The following PHLDB2 variants were observed in gnomAD, a reference collection of about 807,000 sequenced individuals.
PHLDB2 encodes the protein pleckstrin homology like domain family B member 2, also known as pleckstrin homology-like domain family B member 2.
PHLDB2 carries 71 observed loss-of-function variants against 123.6 expected under a neutral mutation model. The ratio of observed to expected loss-of-function variants is 0.57; its 90% CI spans 0.47 to 0.70. The LOEUF (loss-of-function observed/expected upper bound fraction) is 0.70, where lower values mean the gene tolerates loss of function less well. Ranked by LOEUF, PHLDB2 falls within the 30% of genes least tolerant of loss-of-function variation. The pLI, the probability that PHLDB2 is intolerant of heterozygous loss-of-function variation, is 0.00. For missense variants in PHLDB2, 1,446 were observed against 1,519.5 expected (o/e 0.95, Z 0.80); for synonymous variants, 547 against 541.6 (o/e 1.01, Z -0.14).
At chr3:111,938,463 A>G (rs749161296) in intron 6 of PHLDB2, among the ~76,000 whole-genome samples, 7 of 152,102 alleles carry the variant, frequency 4.6e-5, no homozygotes, top group East Asian at 1.9e-4. Context: ...ATGATATATA[A>G]TCCATATTAT....
At chr3:111,822,854 C>A (rs1378270369) in intron 1 of PHLDB2, among the ~76,000 whole-genome samples, 1 of 151,544 alleles carries the variant, frequency 6.6e-6, no homozygotes, top group Non-Finnish European at 1.5e-5. Context: ...TCATGAAAGT[C>A]CTTGTCTTGG....
At chr3:111,855,629 C>CTTTTGTTT (rs2064457105), upstream of PHLDB2, among the ~76,000 whole-genome samples, 1 of 79,850 alleles carries the variant, frequency 1.3e-5, no homozygotes, top group Non-Finnish European at 2.2e-5. Flanking sequence ...CTGCATTTGT[C>CTTTTGTTT]TTTTTTTTTT....
chr3:111,893,920 T>TTTATTTATTTA (rs1469213014), intron 2 of PHLDB2, among the ~76,000 whole-genome samples: 3 of 54,918 alleles, frequency 5.5e-5, no homozygotes, highest in Admixed American at 4.3e-4. Context: ...TTATTTATTT[T>TTTATTTATTTA]TTATTATACT....
At chr3:111,954,055 A>T in intron 12 of PHLDB2, 26 bp downstream of exon 12, 1 of 1,592,458 alleles carries the variant, frequency 6.3e-7, no homozygotes, top group Non-Finnish European at 8.6e-7. Flanking sequence ...ATCAAGTGTC[A>T]TGGCCTTTTG....
At chr3:111,888,618 T>C (rs2066309383) in intron 2 of PHLDB2, among the ~76,000 whole-genome samples, 1 of 152,200 alleles carries the variant, frequency 6.6e-6, no homozygotes, top group South Asian at 2.1e-4. Flanking sequence ...CTAATCTCTG[T>C]TCTGTGGGCA....
chr3:111,945,787 G>T (rs1454705608), intron 9 of PHLDB2, among the ~76,000 whole-genome samples: 1 of 151,882 alleles, frequency 6.6e-6, no homozygotes, highest in Non-Finnish European at 1.5e-5. Flanking sequence ...ATTTTAGAAG[G>T]TGGTCTGGTT....
At chr3:111,755,384 G>T (rs1204037881) in intron 1 of PHLDB2, among the ~76,000 whole-genome samples, 5 of 140,004 alleles carry the variant, frequency 3.6e-5, no homozygotes, top group Non-Finnish European at 7.8e-5. Context: ...TCTTGGGAGG[G>T]TGTATGTGTC....
intron 4 of PHLDB2, among the ~76,000 whole-genome samples, chr3:111,919,753 C>T (rs1047267436): frequency 3.3e-5 from 5 of 152,194 alleles, no homozygotes; most frequent in South Asian, 2.1e-4. Flanking sequence ...AGAAGGGGCA[C>T]GTAATTCTGC....
At chr3:111,885,714 A>G (rs931844215) in intron 2 of PHLDB2, 1 of 616,360 alleles carries the variant, frequency 1.6e-6, no homozygotes, top group Non-Finnish European at 2.9e-6. Context: ...GAAATTTCTG[A>G]GTCTTACAAA....
At chr3:111,844,486 A>G (rs560673551) in intron 1 of PHLDB2, among the ~76,000 whole-genome samples, 19 of 152,294 alleles carry the variant, frequency 1.2e-4, no homozygotes, top group African/African-American at 4.6e-4. Flanking sequence ...TAGAATCAAT[A>G]AATCATGTTG....
At chr3:111,753,939 T>G (rs1380796209) in intron 1 of PHLDB2, among the ~76,000 whole-genome samples, 2 of 152,232 alleles carry the variant, frequency 1.3e-5, no homozygotes, top group African/African-American at 4.8e-5. Flanking sequence ...TTGTCAGGTT[T>G]GTCAAAGATC....
At chr3:111,901,156 G>T (rs900601862) in intron 2 of PHLDB2, among the ~76,000 whole-genome samples, 2 of 152,004 alleles carry the variant, frequency 1.3e-5, no homozygotes, top group Non-Finnish European at 2.9e-5. Context: ...TCAGGAGATT[G>T]AGACCATCCT....
intron 9 of PHLDB2, among the ~76,000 whole-genome samples, chr3:111,945,756 A>G (rs922216180): frequency 6.6e-6 from 1 of 152,048 alleles, no homozygotes; most frequent in African/African-American, 2.4e-5. Context: ...AGTCTTACAG[A>G]ACATGAAAAT....
Position 111,913,336 on chromosome 3 carries a change from G to A in PHLDB2, c.1353G>A (p.Glu451=), listed in dbSNP as rs1056002488. 7 of 1,601,878 alleles carry A rather than the reference G, an allele frequency of 4.4e-6. No individual in the cohort carries two copies. Among genetic ancestry groups the A allele is most frequent in the Middle Eastern group, 1.7e-4 (1 of 6,000 alleles). Residue 451 remains glutamate (E), a synonymous_variant, in exon 3 of 18, where the codon GAG becomes GAA. Transcript: ENST00000431670. ...TGTTCCAGGAGAGACAGCGTCTGGA[G>A]ACCATCCTCAGTCTCTGTGCTGAAT... ...EMERLERQRL[E]TILSLCAEYT... is the part of the protein sequence containing the mutation.
chr3:111,852,837 T>C (rs963866294), intron 2 of PHLDB2, among the ~76,000 whole-genome samples: 4 of 151,632 alleles, frequency 2.6e-5, no homozygotes, highest in Admixed American at 1.3e-4. Flanking sequence ...ACAGAAAAGA[T>C]TGGGGGTAGG....
chr3:111,854,240 T>C (rs1239927896), intron 2 of PHLDB2, among the ~76,000 whole-genome samples: 1 of 152,130 alleles, frequency 6.6e-6, no homozygotes, highest in African/African-American at 2.4e-5. Context: ...AAGATCCAAT[T>C]ACCTCCACCT....
At chr3:111,798,714 T>TAAAA (rs2061264361) in intron 1 of PHLDB2, among the ~76,000 whole-genome samples, 1 of 36,190 alleles carries the variant, frequency 2.8e-5, no homozygotes, top group Non-Finnish European at 1.3e-4. Context: ...AAATAAAATG[T>TAAAA]TATTTTATCT....
chr3:111,754,081 C>T (rs1315738097), intron 1 of PHLDB2, among the ~76,000 whole-genome samples: 12 of 151,880 alleles, frequency 7.9e-5, no homozygotes, highest in Non-Finnish European at 1.2e-4. Context: ...AGTCAGGTAG[C>T]GTGATGCCTC....
At position 111,757,478 on chromosome 3, in the gene PHLDB2, A is replaced by G. The variant is rs895916891; in HGVS notation, c.-49+24775A>G. Among the ~76,000 whole-genome samples, 9 of 151,992 alleles carry G rather than the reference A, an allele frequency of 5.9e-5. No homozygotes were observed. The South Asian group carries it at 1.9e-3, about 32-fold the overall frequency. On this transcript the variant is annotated intron_variant, in intron 1 of 17. Transcript: ENST00000393923. ...TTATTCTAGTTACACATTTGTCTAA[A>G]TTTTTTTCAAAGTTTTCAACTTCTT... is the stretch of plus-strand genomic sequence containing the variant.
Sources: allele counts gnomAD v4.1 joint callset (sites outside exome capture counted in the v4.1 genomes callset), GRCh38; gene constraint gnomAD v4.1.1; transcripts MANE v1.5; gene names NCBI Gene and HGNC (gene_info 2026-07-23, HGNC 2026-07-21).